HMHB1: variants seen among roughly 807,000 people sequenced by gnomAD.
HMHB1 encodes the protein histocompatibility minor HB-1.
In HMHB1, 4 loss-of-function variants were observed where a neutral mutation model predicts 2.4. The observed-to-expected ratio is 1.65, with a 90% CI of 0.81 to 3.77. HMHB1 has a LOEUF of 3.77. HMHB1 is among the 30% of genes most tolerant of loss of function. HMHB1 has a pLI of 0.01. For missense variants in HMHB1, 57 were observed against 44.2 expected, an observed-to-expected ratio of 1.29 and a Z score of -0.82; for synonymous variants, 22 against 17.6, an observed-to-expected ratio of 1.25 and a Z score of -0.63.
At position 143,812,182 on chromosome 5, in the gene HMHB1, C is replaced by T. The variant is rs891236040; in HGVS notation, c.-86C>T. On this transcript the variant is annotated 5_prime_UTR_variant, in exon 1 of 2. Coordinates refer to ENST00000289448, the MANE Select transcript of HMHB1 (RefSeq NM_021182.3). ...GAAACCACATCCCAGGAGGCCGAGG[C>T]GGCTTGCCCCGCATCTCAGAAGCCG... is the stretch of plus-strand genomic sequence containing the variant. 12 of 1,256,088 alleles carry T rather than the reference C, an allele frequency of 9.6e-6. No individual in the cohort carries two copies. The highest frequency in any genetic ancestry group is 4.5e-5 in the African/African-American group (3 of 66,376). The allele number at this position is 1,256,088 out of a possible 1,614,324, so 77.8% of individuals were successfully genotyped here.
In HMHB1 at chr5:143,819,022, ATTTC is replaced by A. The variant is rs371751455; in HGVS notation, c.38-1454_38-1451del. ...TAAAAACAAAAGACCATTCTTTTCT[ATTTC>A]TTTTCTCTGATTGTCTCTCTATATC... On this transcript the variant is annotated intron_variant, in intron 1 of 1. Transcript: ENST00000289448. Among the ~76,000 whole-genome samples, 25 of 152,214 alleles carry A rather than the reference ATTTC, an allele frequency of 1.6e-4. No individual in the cohort carries two copies. The East Asian group carries it at 3.5e-3, about 21-fold the overall frequency.
At chr5:143,819,036 A>G (rs1759778673) in intron 1 of HMHB1, among the ~76,000 whole-genome samples, 1 of 152,122 alleles carries the variant, frequency 6.6e-6, no homozygotes, top group African/African-American at 2.4e-5. Context: ...CTTTTCTCTG[A>G]TTGTCTCTCT....
intron 1 of HMHB1, among the ~76,000 whole-genome samples, chr5:143,815,192 A>G (rs1303514125): frequency 6.6e-6 from 1 of 152,240 alleles, no homozygotes; most frequent in Admixed American, 6.5e-5. Flanking sequence ...TATTGTTGCT[A>G]TACTGAATTA....
At chr5:143,818,031 C>T (rs1759768616) in intron 1 of HMHB1, among the ~76,000 whole-genome samples, 1 of 152,180 alleles carries the variant, frequency 6.6e-6, no homozygotes, top group African/African-American at 2.4e-5. Context: ...AATTCCAATA[C>T]AAATACCAGC....
intron 1 of HMHB1, among the ~76,000 whole-genome samples, 162 bp from the exon 2 acceptor site, chr5:143,820,318 T>TTAAAAAAAAAAAAAAAAA (rs1224094703): frequency 2.1e-5 from 1 of 47,564 alleles, no homozygotes; most frequent in African/African-American, 7.0e-5. Context: ...TCATCATAAG[T>TTAAAAAAAAAAAAAAAAA]AAAAAAAAAA....
At chr5:143,812,515 C>A (rs190373392) in intron 1 of HMHB1, among the ~76,000 whole-genome samples, 1 of 152,174 alleles carries the variant, frequency 6.6e-6, no homozygotes, top group African/African-American at 2.4e-5. Flanking sequence ...TTTCATAGCC[C>A]ATTGCCTGGC....
At chr5:143,813,357 TTGG>T (rs1759713751) in intron 1 of HMHB1, among the ~76,000 whole-genome samples, 1 of 152,258 alleles carries the variant, frequency 6.6e-6, no homozygotes, top group Non-Finnish European at 1.5e-5. Context: ...CACTCCCTTT[TTGG>T]TGCCCTCATA....
rs1462704453 is a variant in HMHB1, at chr5:143,816,217, T to C, written c.37+3913T>C. Reference sequence around the variant, plus strand: ...AATATATTTTTTAAATATTCTCATTTCCATAGGTTATTGTGGAGTAGGTGG... The same window carrying C: ...AATATATTTTTTAAATATTCTCATTCCCATAGGTTATTGTGGAGTAGGTGG... On this transcript the variant is annotated intron_variant, in intron 1 of 1. Transcript: ENST00000289448. Among the ~76,000 whole-genome samples the C allele has an allele frequency of 2.0e-5, 3 of 152,242 alleles. No individual in the cohort carries two copies. In the East Asian group the frequency reaches 5.8e-4, roughly 29 times the overall value.
chr5:143,817,667 T>C (rs564058813), intron 1 of HMHB1, among the ~76,000 whole-genome samples: 1 of 152,240 alleles, frequency 6.6e-6, no homozygotes, highest in East Asian at 1.9e-4. Flanking sequence ...TTTTTGCTTA[T>C]CTTGGTTTGG....
chr5:143,812,596 A>G (rs1211447644), intron 1 of HMHB1, among the ~76,000 whole-genome samples: 1 of 152,150 alleles, frequency 6.6e-6, no homozygotes, highest in Non-Finnish European at 1.5e-5. Context: ...CCACAAGGAC[A>G]ACGGCAAGGG....
chr5:143,813,209 CAGAACTTTCTTTT>C (rs1405041144), intron 1 of HMHB1, among the ~76,000 whole-genome samples: 1 of 152,170 alleles, frequency 6.6e-6, no homozygotes, highest in Non-Finnish European at 1.5e-5. Context: ...AGAATACAAA[CAGAACTTTCTTTT>C]AGAATTTTTA....
chr5:143,812,747 C>CATCA (rs1046834346), intron 1 of HMHB1, among the ~76,000 whole-genome samples: 1 of 152,138 alleles, frequency 6.6e-6, no homozygotes, highest in African/African-American at 2.4e-5. Flanking sequence ...GCATGGCCAC[C>CATCA]ATCATCACCA....
At chr5:143,818,628 T>C (rs1449202386) in intron 1 of HMHB1, among the ~76,000 whole-genome samples, 2 of 152,188 alleles carry the variant, frequency 1.3e-5, no homozygotes, top group Non-Finnish European at 2.9e-5. Flanking sequence ...CAGCCTATAG[T>C]TAAACCTCTG....
At chr5:143,819,814 A>G (rs2126794661) in intron 1 of HMHB1, among the ~76,000 whole-genome samples, 1 of 152,216 alleles carries the variant, frequency 6.6e-6, no homozygotes, top group East Asian at 1.9e-4. Context: ...TGGCTTAGTC[A>G]TGGCAAGGGT....
At chr5:143,812,844 G>T (rs905701176) in intron 1 of HMHB1, among the ~76,000 whole-genome samples, 1 of 152,130 alleles carries the variant, frequency 6.6e-6, no homozygotes, top group East Asian at 1.9e-4. Context: ...GCACTTGAGG[G>T]GGGTATAGCT....
At chr5:143,816,073 T>C (rs1385441830) in intron 1 of HMHB1, among the ~76,000 whole-genome samples, 1 of 152,200 alleles carries the variant, frequency 6.6e-6, no homozygotes, top group Non-Finnish European at 1.5e-5. Context: ...AGAATCTCCC[T>C]ATTTTAAGGT....
intron 1 of HMHB1, among the ~76,000 whole-genome samples, chr5:143,817,033 C>A (rs1045692090): frequency 6.6e-6 from 1 of 151,988 alleles, no homozygotes; most frequent in African/African-American, 2.4e-5. Flanking sequence ...TGTCCTTAGC[C>A]CACTTTTTGA....
rs6887600 is a variant in HMHB1, at chr5:143,815,740, C to G, written c.37+3436C>G. ...TTTGAGACGGAGTCTCGCTCTGTCG[C>G]CCAGGCCGGACTGCGGACTGCAGTG... On this transcript the variant is annotated intron_variant, in intron 1 of 1. Coordinates refer to ENST00000289448, the MANE Select transcript of HMHB1 (RefSeq NM_021182.3). 9.0e-4 allele frequency among the ~76,000 whole-genome samples: 134 copies of G among 148,434 alleles called. 1 individual carries two copies. The highest frequency in any genetic ancestry group is 2.3e-3 in the African/African-American group (90 of 39,266).
At chr5:143,820,367 T>TAAAAAAAAAAAAAAAAAAAAAAAGAA (rs1759799277) in intron 1 of HMHB1, 113 bp from the exon 2 acceptor site, 1 of 147,904 alleles carries the variant, frequency 6.8e-6, no homozygotes, top group African/African-American at 4.8e-5. Flanking sequence ...AAAACAAAAC[T>TAAAAAAAAAAAAAAAAAAAAAAAGAA]AAAAAGCTAA....
Sources: allele counts gnomAD v4.1 joint callset (sites outside exome capture counted in the v4.1 genomes callset), GRCh38; gene constraint gnomAD v4.1.1; transcripts MANE v1.5; gene names NCBI Gene and HGNC (gene_info 2026-07-23, HGNC 2026-07-21).